ILKAP: variants seen among roughly 807,000 people sequenced by gnomAD.
ILKAP encodes the protein ILK associated serine/threonine phosphatase.
In ILKAP, 11 loss-of-function variants were observed where a neutral mutation model predicts 49.1. The observed-to-expected ratio is 0.22, with a 90% CI of 0.14 to 0.37. The LOEUF is 0.37. Among genes scored for constraint, ILKAP ranks in the 10% least tolerant of loss-of-function variants. The probability of loss-of-function intolerance (pLI) is 1.00; values close to 1 mark genes in which losing one functional copy is unlikely to be tolerated. For missense variants in ILKAP, 363 were observed against 510.8 expected (o/e 0.71, Z 2.79); for synonymous variants, 186 against 192.8 (o/e 0.96, Z 0.29).
chr2:238,174,347 A>G (rs1219070171), intron 9 of ILKAP, among the ~76,000 whole-genome samples: 1 of 152,200 alleles, frequency 6.6e-6, no homozygotes, highest in Non-Finnish European at 1.5e-5. Flanking sequence ...CTACTGCCCC[A>G]AAGAACAATT....
At chr2:238,201,546 G>A (rs1694568162) in intron 1 of ILKAP, among the ~76,000 whole-genome samples, 1 of 152,146 alleles carries the variant, frequency 6.6e-6, no homozygotes, top group Admixed American at 6.5e-5. Context: ...AGTCAAGGTT[G>A]GAAACTGAGT....
At chr2:238,176,517 TAC>T (rs1693465076) in intron 9 of ILKAP, among the ~76,000 whole-genome samples, 1 of 152,234 alleles carries the variant, frequency 6.6e-6, no homozygotes, top group Non-Finnish European at 1.5e-5. Flanking sequence ...CTCCTGCCCT[TAC>T]ACACTTCCAA....
At chr2:238,193,625 C>G in intron 3 of ILKAP, among the ~76,000 whole-genome samples, 1 of 152,346 alleles carries the variant, frequency 6.6e-6, no homozygotes, top group East Asian at 1.9e-4. Flanking sequence ...TATGGGTCTA[C>G]AGCCCTGAAG....
At chr2:238,202,876 C>G (rs549848071) in intron 1 of ILKAP, among the ~76,000 whole-genome samples, 3 of 146,834 alleles carry the variant, frequency 2.0e-5, no homozygotes, top group South Asian at 2.2e-4. Context: ...GGGGGAACTT[C>G]CCGTGGACCA....
rs1694259241 is a variant in ILKAP, at chr2:238,194,271, T to C, written c.178+4A>G. 6.2e-7 allele frequency: 1 copy of C among 1,613,698 alleles called. No homozygotes were observed. The highest frequency in any genetic ancestry group is 8.5e-7 in the Non-Finnish European group (1 of 1,179,596). On this transcript the variant is annotated splice_donor_region_variant and intron_variant, in intron 3 of 11. Transcript: ENST00000254654. ...CAGCACCTTGGATTTTTCCTACCACTTACCTGAATCGCCACTGCTAGCGGG... is the reference window on the plus strand; with the variant it reads ...CAGCACCTTGGATTTTTCCTACCACCTACCTGAATCGCCACTGCTAGCGGG...
intron 3 of ILKAP, 100 bp from the exon 4 acceptor site, chr2:238,190,072 T>A: frequency 7.4e-7 from 1 of 1,349,160 alleles, no homozygotes; most frequent in Non-Finnish European, 1.0e-6. Flanking sequence ...GACAAGGTCA[T>A]TTGAAGCAAG....
At chr2:238,201,591 C>T (rs578064267) in intron 1 of ILKAP, among the ~76,000 whole-genome samples, 1 of 152,352 alleles carries the variant, frequency 6.6e-6, no homozygotes, top group African/African-American at 2.4e-5. Flanking sequence ...ACCTTTCCCA[C>T]TGTATCTGGC....
At chr2:238,179,499 G>A (rs1693600022) in intron 9 of ILKAP, among the ~76,000 whole-genome samples, 1 of 152,182 alleles carries the variant, frequency 6.6e-6, no homozygotes. Flanking sequence ...CATCCCTGAT[G>A]AAATAATGAT....
intron 3 of ILKAP, among the ~76,000 whole-genome samples, chr2:238,191,913 AAAAAAG>A (rs1179718590): frequency 2.0e-5 from 3 of 151,800 alleles, no homozygotes; most frequent in South Asian, 2.1e-4. Flanking sequence ...TCAAAAAAAA[AAAAAAG>A]AAAAAGAAAA....
intron 3 of ILKAP, among the ~76,000 whole-genome samples, chr2:238,192,158 G>C (rs1163388035): frequency 6.8e-6 from 1 of 147,236 alleles, no homozygotes; most frequent in Non-Finnish European, 1.5e-5. Flanking sequence ...AGTGAGCTGA[G>C]ATCGCAACAC....
chr2:238,189,757 A>G, intron 4 of ILKAP, 96 bp downstream of exon 4: 1 of 1,186,048 alleles, frequency 8.4e-7, no homozygotes, highest in South Asian at 1.5e-5. Flanking sequence ...ATACAGACAT[A>G]AAAAGAAAGT....
intron 3 of ILKAP, 90 bp from the exon 4 acceptor site, chr2:238,190,062 G>C (rs1180018415): frequency 1.4e-6 from 2 of 1,388,116 alleles, no homozygotes; most frequent in Admixed American, 2.2e-5. Context: ...AGCACTCAAA[G>C]ACAAGGTCAT....
chr2:238,182,952 G>T (rs983272941), intron 8 of ILKAP, among the ~76,000 whole-genome samples: 1 of 152,170 alleles, frequency 6.6e-6, no homozygotes, highest in African/African-American at 2.4e-5. Flanking sequence ...GTGGGGAGGG[G>T]TCTAAAGATG....
At chr2:238,174,104 G>A (rs1693344348) in intron 9 of ILKAP, among the ~76,000 whole-genome samples, 1 of 152,208 alleles carries the variant, frequency 6.6e-6, no homozygotes, top group Admixed American at 6.5e-5. Context: ...AATCTAATTA[G>A]ATTTGGAAAA....
At chr2:238,195,738 A>C (rs1335299808) in intron 1 of ILKAP, among the ~76,000 whole-genome samples, 2 of 152,148 alleles carry the variant, frequency 1.3e-5, no homozygotes, top group East Asian at 3.9e-4. Context: ...CTCAGAGTTC[A>C]AGTATAAAAA....
rs549383616 is a variant in ILKAP at position 238,171,165 on chromosome 2, T to C, written c.957-141A>G. The stretch of plus-strand genomic sequence containing the variant: ...AGGTTTTTTTTTTCTTTTTTCTTTT[T>C]TTTTTTTTTTTGAGATGGAGTTTCA... On this transcript the variant is annotated intron_variant, in intron 10 of 11. Transcript: ENST00000254654. The C allele has an allele frequency of 1.7e-4, 104 of 598,996 alleles. No homozygotes were observed. In the South Asian group the frequency reaches 2.1e-3, roughly 12 times the overall value. 37.1% of individuals were successfully genotyped at this position (598,996 alleles called of 1,614,324 possible).
chr2:238,193,957 A>G (rs1488051383), intron 3 of ILKAP, among the ~76,000 whole-genome samples: 1 of 152,278 alleles, frequency 6.6e-6, no homozygotes, highest in African/African-American at 2.4e-5. Flanking sequence ...CACTCTGTTT[A>G]ACAAGGCAAA....
At chr2:238,200,140 G>C (rs1694509865) in intron 1 of ILKAP, among the ~76,000 whole-genome samples, 1 of 152,156 alleles carries the variant, frequency 6.6e-6, no homozygotes, top group Non-Finnish European at 1.5e-5. Context: ...AAAGACATCA[G>C]GTCGGCACTT....
At chr2:238,173,961 C>T (rs987074258) in intron 9 of ILKAP, 26 of 294,972 alleles carry the variant, frequency 8.8e-5, no homozygotes, top group Admixed American at 4.4e-4. Flanking sequence ...ACACCTAGGT[C>T]CCAACTCCAG....
Sources: gnomAD v4.1 joint callset for allele counts (sites outside exome capture counted in the v4.1 genomes callset) on GRCh38, gnomAD v4.1.1 for gene constraint, MANE v1.5 for transcripts, NCBI Gene and HGNC (gene_info 2026-07-23, HGNC 2026-07-21) for gene names.